The following MYO15A variants were observed in gnomAD, a reference collection of about 807,000 sequenced individuals.
MYO15A encodes the protein myosin XVA.
A neutral mutation model predicts 394.6 loss-of-function variants in MYO15A; 308 were observed. The ratio of observed to expected loss-of-function variants is 0.78; its 90% confidence interval spans 0.71 to 0.86. MYO15A has a LOEUF of 0.86. MYO15A is among the 40% of genes least tolerant of loss of function. MYO15A has a pLI of 0.00. For synonymous variants in MYO15A, 1,957 were observed against 2,003.8 expected (o/e 0.98, Z 0.62); for missense variants, 4,606 against 4,799.1 (o/e 0.96, Z 1.19).
At chr17:18,108,994 C>T (rs2045688550) in intron 1 of MYO15A, 170 bp downstream of exon 1, 1 of 152,440 alleles carries the variant, frequency 6.6e-6, no homozygotes, top group African/African-American at 2.4e-5. Flanking sequence ...GTGTGATGCC[C>T]ATGCAGTCCC....
In MYO15A at chr17:18,150,820, TGCCACCTCTCCCCAG is replaced by T; in HGVS notation, c.7396-12_7398del. On this transcript the variant is annotated splice_acceptor_variant and splice_polypyrimidine_tract_variant and intron_variant, in intron 37 of 65. Transcript: ENST00000647165. LOFTEE classifies it high-confidence loss of function. The surrounding 1 kb of genome is among the most constrained non-coding windows in gnomAD (Gnocchi z 4.4). ...GAGAATGGACCTGCCTGGTCACCAC[TGCCACCTCTCCCCAG>T]GCCCGGGAGATGACCCTGCAGGCCA... 5 of 1,590,064 alleles carry T rather than the reference TGCCACCTCTCCCCAG, an allele frequency of 3.1e-6. No individual in the cohort carries two copies. The highest frequency in any genetic ancestry group is 4.3e-6 in the Non-Finnish European group (5 of 1,167,956).
rs755474011 is a variant in MYO15A, at chr17:18,150,861, C to T, written c.7421C>T (p.Thr2474Met). 20 of 1,596,774 alleles carry T rather than the reference C, an allele frequency of 1.3e-5. No homozygotes were observed. Among genetic ancestry groups the T allele is most frequent in the East Asian group, 9.1e-5 (4 of 43,962 alleles). Residue 2474 changes from threonine (T) to methionine (M), a missense_variant, in exon 38 of 66, where the codon ACG becomes ATG. Transcript: ENST00000647165. This position sits in a 1 kb window ranked among gnomAD's most constrained non-coding sequence, Gnocchi z 4.4. ...LLAREMTLQA[T>M]ALQQQPLSAA... ...GCCCGGGAGATGACCCTGCAGGCCA[C>T]GGCACTCCAGCAGCAGCCCCTGAGT...
chr17:18,165,828 G>A (rs62073606), intron 60 of MYO15A, among the ~76,000 whole-genome samples: 25,778 of 152,152 alleles, frequency 0.17, 2,335 homozygotes, highest in Middle Eastern at 0.21. Context: ...AAATGTCAGT[G>A]CAAGAGAGAA....
chr17:18,117,540 G>A lies in MYO15A; in HGVS notation c.-219-1042G>A, dbSNP rs1248019364. Reference sequence around the variant, plus strand: ...AGTGAACCAGAGTTCAGTGAGTTGAGGTCCATCTTGAGGAGGAAGAGGAGG... The same window carrying A: ...AGTGAACCAGAGTTCAGTGAGTTGAAGTCCATCTTGAGGAGGAAGAGGAGG... On this transcript the variant is annotated intron_variant, in intron 1 of 65. Transcript: ENST00000647165. This position sits in a 1 kb window ranked among gnomAD's most constrained non-coding sequence, Gnocchi z 4.1. 6.6e-6 allele frequency among the ~76,000 whole-genome samples: 1 copy of A among 152,202 alleles called. No individual in the cohort carries two copies. The highest frequency in any genetic ancestry group is 1.5e-5 in the Non-Finnish European group (1 of 68,036).
Position 18,119,970 on chromosome 17 carries a change from G to A in MYO15A, c.1170G>A (p.Glu390=). The A allele has an allele frequency of 1.2e-6, 2 of 1,613,680 alleles. No homozygotes were observed. The highest frequency in any genetic ancestry group is 1.7e-6 in the Non-Finnish European group (2 of 1,180,020). The change falls in exon 2 of 66, where the codon GAG becomes GAA. Residue 390 remains glutamate (E), a synonymous_variant. Transcript: ENST00000647165. ...YAEGVYGGGD[E]AIYPPEVPYF... ...AAGGCGTCTATGGCGGTGGGGACGA[G>A]GCCATCTACCCCCCCGAGGTGCCCT...
At position 18,122,135 on chromosome 17, in the gene MYO15A, G is replaced by A. The variant is rs1384653932; in HGVS notation, c.3335G>A (p.Gly1112Glu). Residue 1112 changes from glycine to glutamate, a missense_variant, in exon 2 of 66, where the codon GGG becomes GAG. Physicochemically the swap from Gly to Glu is moderately conservative, Grantham distance 98. This residue lies in a region of MYO15A where 1,830 missense variants were observed against 1,689.7 expected (regional missense o/e 1.08). Transcript: ENST00000647165. ...KGGERRQAAP[G>E]RFAVVMPRVQ... is the part of the protein sequence containing the mutation. ...GGTGAACGGCGCCAGGCAGCCCCTG[G>A]GCGTTTTGCTGTGGTCATGCCTCGT... The A allele has an allele frequency of 3.7e-6, 6 of 1,612,878 alleles. No homozygotes were observed. The highest frequency in any genetic ancestry group is 1.7e-6 in the Non-Finnish European group (2 of 1,180,002).
At chr17:18,131,439 C>T in intron 9 of MYO15A, 29 bp from the exon 10 acceptor site, 1 of 1,613,974 alleles carries the variant, frequency 6.2e-7, no homozygotes, top group Admixed American at 1.7e-5. Flanking sequence ...CCTACCCTCA[C>T]TGAGAGCTGA....
intron 20 of MYO15A, 57 bp from the exon 21 acceptor site, chr17:18,140,730 A>C: frequency 6.2e-7 from 1 of 1,614,172 alleles, no homozygotes; most frequent in Admixed American, 1.7e-5. Context: ...TGACCCTCAG[A>C]GGTTGAGCGC....
At position 18,118,646 on chromosome 17, in the gene MYO15A, G is replaced by A. The variant is rs1000616742; in HGVS notation, c.-155G>A. The stretch of plus-strand genomic sequence containing the variant: ...TCCGCCCTCCCGGAATCCTGGCTCG[G>A]CCCTCCCCACGCCACCCAGGGCCAG... On this transcript the variant is annotated 5_prime_UTR_variant, in exon 2 of 66. Coordinates refer to ENST00000647165, the MANE Select transcript of MYO15A (RefSeq NM_016239.4). 6.0e-6 allele frequency: 7 copies of A among 1,162,020 alleles called. No individual in the cohort carries two copies. Among genetic ancestry groups the A allele is most frequent in the Non-Finnish European group, 7.2e-6 (6 of 832,010 alleles). 72.0% of individuals were successfully genotyped at this position (1,162,020 alleles called of 1,614,324 possible). A position where few individuals can be genotyped will look rare whatever the true frequency, so the allele number is the denominator to read the frequency against.
chr17:18,141,966 C>T (rs568431511), intron 23 of MYO15A, 113 bp from the exon 24 acceptor site: 16 of 1,399,960 alleles, frequency 1.1e-5, no homozygotes, highest in Admixed American at 3.4e-5. Context: ...CCTCCAGCCC[C>T]GCTCCAGGAG....
chr17:18,171,877 T>C, intron 63 of MYO15A, 106 bp downstream of exon 63: 8 of 1,481,906 alleles, frequency 5.4e-6, no homozygotes, highest in Non-Finnish European at 6.3e-6. Context: ...AAGGCATTTT[T>C]CAGTGCCAGT....
intron 2 of MYO15A, 51 bp downstream of exon 2, chr17:18,122,460 C>T (rs1413334077): frequency 1.3e-6 from 2 of 1,582,856 alleles, no homozygotes; most frequent in Admixed American, 3.6e-5. Context: ...GCCTAGGAAA[C>T]AGGGCAAGAG....
intron 5 of MYO15A, 63 bp downstream of exon 5, chr17:18,126,519 C>A: frequency 6.7e-7 from 1 of 1,485,784 alleles, no homozygotes; most frequent in Non-Finnish European, 9.3e-7. Flanking sequence ...GCTCTGGGAG[C>A]CTGGATCCCG....
intron 8 of MYO15A, among the ~76,000 whole-genome samples, 157 bp downstream of exon 8, chr17:18,130,967 G>A (rs913728026): frequency 6.6e-6 from 1 of 151,922 alleles, no homozygotes; most frequent in African/African-American, 2.4e-5. Flanking sequence ...GCAGGGCTGG[G>A]GCTTGTGGTC....
chr17:18,126,484 G>A (rs914568117), intron 5 of MYO15A, 28 bp downstream of exon 5: 4 of 1,594,802 alleles, frequency 2.5e-6, no homozygotes, highest in Non-Finnish European at 3.4e-6. Context: ...GCTGCCCTGG[G>A]GTCTCTTGGG....
chr17:18,138,667 G>A, intron 17 of MYO15A, 144 bp from the exon 18 acceptor site: 1 of 1,196,568 alleles, frequency 8.4e-7, no homozygotes, highest in Non-Finnish European at 1.2e-6. Context: ...TTCTGACCCA[G>A]GGAGATGGGC....
rs1225240144 is a variant in MYO15A, at chr17:18,126,378, A to T, written c.3788A>T (p.Asn1263Ile). The change falls in exon 5 of 66, where the codon AAC becomes ATC. Residue 1263 changes from asparagine (N) to isoleucine (I), a missense_variant. Asn to Ile is a moderately radical substitution (Grantham distance 149). Transcript: ENST00000647165. Reference sequence around the variant, plus strand: ...ATTGGGAGCATCCTGGTGTCGGTGAACCCATACCAAATGTTTGGAATCTAT... The same window carrying T: ...ATTGGGAGCATCCTGGTGTCGGTGATCCCATACCAAATGTTTGGAATCTAT... ...TYIGSILVSV[N>I]PYQMFGIYGP... 12 of 1,613,812 alleles carry T rather than the reference A, an allele frequency of 7.4e-6. No homozygotes were observed. Among genetic ancestry groups the T allele is most frequent in the Non-Finnish European group, 1.0e-5 (12 of 1,179,960 alleles).
chr17:18,121,236 C>T lies in MYO15A; in HGVS notation c.2436C>T (p.Pro812=). 2.0e-6 allele frequency: 3 copies of T among 1,480,144 alleles called. No individual in the cohort carries two copies. The highest frequency in any genetic ancestry group is 1.8e-6 in the Non-Finnish European group (2 of 1,120,230). The allele number at this position is 1,480,144 out of a possible 1,614,324, so 91.7% of individuals were successfully genotyped here. A position where few individuals can be genotyped will look rare whatever the true frequency, so the allele number is the denominator to read the frequency against. The change falls in exon 2 of 66, where the codon CCC becomes CCT. Residue 812 remains proline (P), a synonymous_variant. Coordinates refer to ENST00000647165, the MANE Select transcript of MYO15A (RefSeq NM_016239.4). The surrounding 1 kb of genome is among the most constrained non-coding windows in gnomAD (Gnocchi z 5.3). ...RTGPFQPPFL[P]PARRPRSLQE... ...GCCCCTTCCAGCCGCCCTTCCTGCC[C>T]CCGGCCCGCCGGCCCCGCTCGCTGC...
chr17:18,159,086 T>C, intron 53 of MYO15A, 89 bp downstream of exon 53: 1 of 1,450,664 alleles, frequency 6.9e-7, no homozygotes. Context: ...AAACTTGTTC[T>C]CAGTGAGACC....
Sources: gnomAD v4.1 joint callset for allele counts (sites outside exome capture counted in the v4.1 genomes callset) on GRCh38, gnomAD v4.1.1 for gene constraint, gnomAD v4.1.1 regional missense constraint, Gnocchi (gnomAD v3.1) non-coding constraint, MANE v1.5 for transcripts, NCBI Gene and HGNC (gene_info 2026-07-23, HGNC 2026-07-21) for gene names.